Variants in URM1 observed in about 807,000 individuals in gnomAD.
URM1 encodes the protein ubiquitin-related modifier 1.
Under a neutral mutation model 17.7 loss-of-function variants are expected in URM1, and 11 were observed. The observed-to-expected ratio is 0.62, with a 90% CI of 0.39 to 1.03. The LOEUF is 1.03. Ranked by LOEUF, URM1 falls within the 50% of genes least tolerant of loss-of-function variation. The pLI is 0.00. For missense variants in URM1, 128 were observed against 129.2 expected, an observed-to-expected ratio of 0.99 and a Z score of 0.04; for synonymous variants, 48 against 50.6, an observed-to-expected ratio of 0.95 and a Z score of 0.22.
chr9:128,389,295 G>A lies in URM1; in HGVS notation c.223G>A (p.Asp75Asn), dbSNP rs914807537. Residue 75 changes from aspartate (D) to asparagine (N), a missense_variant, in exon 4 of 5, where the codon GAC becomes AAC. By Grantham distance (23) the Asp-to-Asn change is conservative (BLOSUM62 1). Coordinates refer to ENST00000372853, the MANE Select transcript of URM1 (RefSeq NM_030914.4). The part of the protein sequence containing the change: ...PGILVLINDA[D>N]WELLGELDYQ... ...AATTCTGGTGCTGATTAACGATGCCGACTGGGAGCTACTGGTCAGTACCTT... is the reference window on the plus strand; with the variant it reads ...AATTCTGGTGCTGATTAACGATGCCAACTGGGAGCTACTGGTCAGTACCTT... 8.1e-6 allele frequency: 13 copies of A among 1,610,564 alleles called. No individual in the cohort carries two copies. The highest frequency in any genetic ancestry group is 3.3e-5 in the South Asian group (3 of 90,800).
rs963053039 is a variant in URM1 at position 128,387,531 on chromosome 9, C to T, written c.107-285C>T. ...CCTTTAGATGCGACAGTCCTCCCGC[C>T]GTCTGCCTTGAATCCCCCCACTATA... On this transcript the variant is annotated intron_variant, in intron 2 of 4. Transcript: ENST00000372853. The surrounding 1 kb of genome is among the most constrained non-coding windows in gnomAD (Gnocchi z 4.3). 3.3e-5 allele frequency among the ~76,000 whole-genome samples: 5 copies of T among 152,164 alleles called. No individual in the cohort carries two copies. The highest frequency in any genetic ancestry group is 7.2e-5 in the African/African-American group (3 of 41,430).
In URM1 at chr9:128,384,788, A is replaced by AT. The variant is rs555798051; in HGVS notation, c.107-3028_107-3027insT. ...GTTAACATCCCCATTTTACAAAAAA[A>AT]GGAAGCCGAGGCTTCCTATTACCTA... On this transcript the variant is annotated intron_variant, in intron 2 of 4. Transcript: ENST00000372853. Among the ~76,000 whole-genome samples, 67 of 152,272 alleles carry AT rather than the reference A, an allele frequency of 4.4e-4. No homozygotes were observed. In the East Asian group the frequency reaches 7.1e-3, roughly 16 times the overall value.
chr9:128,390,005 A>G lies in URM1; in HGVS notation c.*271A>G. On this transcript the variant is annotated 3_prime_UTR_variant, in exon 5 of 5. Coordinates refer to ENST00000372853, the MANE Select transcript of URM1 (RefSeq NM_030914.4). ...GAGGGTTCCCCTCCAGTTTGTCAAGAGTTGAAGGAGGCTCTGTGGCCAGGT... is the reference window on the plus strand; with the variant it reads ...GAGGGTTCCCCTCCAGTTTGTCAAGGGTTGAAGGAGGCTCTGTGGCCAGGT... 1.9e-6 allele frequency: 1 copy of G among 527,058 alleles called. No homozygotes were observed. Among genetic ancestry groups the G allele is most frequent in the Non-Finnish European group, 3.4e-6 (1 of 298,408 alleles). 32.6% of individuals were successfully genotyped at this position (527,058 alleles called of 1,614,324 possible).
At chr9:128,380,140 T>C (rs1833140057) in intron 2 of URM1, among the ~76,000 whole-genome samples, 1 of 151,816 alleles carries the variant, frequency 6.6e-6, no homozygotes, top group Non-Finnish European at 1.5e-5. Flanking sequence ...ATAAGCAGAA[T>C]ATGTATGGGG....
Position 128,387,780 on chromosome 9 carries a change from G to T in URM1, c.107-36G>T, listed in dbSNP as rs767947082. ...CTGGGGGTGGGCAGGTGCTATTTGG[G>T]TTTGACAAGAGTTTGTTCTGTGCAT... On this transcript the variant is annotated intron_variant, in intron 2 of 4. Coordinates refer to ENST00000372853, the MANE Select transcript of URM1 (RefSeq NM_030914.4). The surrounding 1 kb of genome is among the most constrained non-coding windows in gnomAD (Gnocchi z 4.3). 2.7e-5 allele frequency: 43 copies of T among 1,613,574 alleles called. No individual in the cohort carries two copies. Among genetic ancestry groups the T allele is most frequent in the Non-Finnish European group, 3.6e-5 (42 of 1,179,588 alleles).
At position 128,387,908 on chromosome 9, in the gene URM1, C is replaced by T; in HGVS notation, c.188+11C>T. On this transcript the variant is annotated intron_variant, in intron 3 of 4. Coordinates refer to ENST00000372853, the MANE Select transcript of URM1 (RefSeq NM_030914.4). The surrounding 1 kb of genome is among the most constrained non-coding windows in gnomAD (Gnocchi z 4.3). ...CCAGGGAGACAGCGTGTGAGTCCCA[C>T]TCCTCCCTTCCCTGAAGCAGGTGGA... 1.2e-6 allele frequency: 2 copies of T among 1,613,968 alleles called. No homozygotes were observed. The highest frequency in any genetic ancestry group is 8.5e-7 in the Non-Finnish European group (1 of 1,179,992).
intron 1 of URM1, among the ~76,000 whole-genome samples, chr9:128,372,520 G>A (rs1020199396): frequency 3.3e-5 from 5 of 152,168 alleles, no homozygotes; most frequent in African/African-American, 9.7e-5. Flanking sequence ...AAGATAAATA[G>A]AAGTCTGTCC....
chr9:128,386,267 A>G (rs1256883574), intron 2 of URM1, among the ~76,000 whole-genome samples: 1 of 152,188 alleles, frequency 6.6e-6, no homozygotes, highest in East Asian at 1.9e-4. Context: ...CCCACCAGAC[A>G]GTACCAAGAT....
At chr9:128,378,922 G>A (rs1679193632) in intron 2 of URM1, among the ~76,000 whole-genome samples, 2 of 150,316 alleles carry the variant, frequency 1.3e-5, no homozygotes, top group Admixed American at 6.6e-5. Flanking sequence ...ACTCCAGCCT[G>A]GGTGGCAGAG....
In URM1 at chr9:128,378,542, C is replaced by CAAA. The variant is rs58676800; in HGVS notation, c.106+464_106+466dup. On this transcript the variant is annotated intron_variant, in intron 2 of 4. Transcript: ENST00000372853. Reference sequence around the variant, plus strand: ...TGGGCGACAAAGCAAGACTCCATCTCAAAAAAAAAAAAAAAAAAAAAAAAA... The same window carrying CAAA: ...TGGGCGACAAAGCAAGACTCCATCTCAAAAAAAAAAAAAAAAAAAAAAAAAAAA... Among the ~76,000 whole-genome samples the CAAA allele has an allele frequency of 2.6e-3, 59 of 23,012 alleles. 3 individuals are homozygous for CAAA. In the East Asian group the frequency reaches 0.052, roughly 20 times the overall value. 15.1% of individuals were successfully genotyped at this position (23,012 alleles called of 152,430 possible).
intron 2 of URM1, 72 bp downstream of exon 2, chr9:128,378,178 C>T: frequency 9.5e-7 from 1 of 1,050,000 alleles, no homozygotes; most frequent in Non-Finnish European, 1.4e-6. Flanking sequence ...AACACTCAGC[C>T]CCGTTCAGGC....
chr9:128,389,279 G>A lies in URM1; in HGVS notation c.207G>A (p.Val69=). The A allele has an allele frequency of 1.2e-6, 2 of 1,605,030 alleles. No individual in the cohort carries two copies. The highest frequency in any genetic ancestry group is 1.7e-6 in the Non-Finnish European group (2 of 1,173,886). The change falls in exon 4 of 5, where the codon GTG becomes GTA. Residue 69 remains valine, a synonymous_variant. Transcript: ENST00000372853. ...QGDSVRPGIL[V]LINDADWELL... is the part of the protein sequence containing the mutation. ...CCCACAGGCGGCCAGGAATTCTGGT[G>A]CTGATTAACGATGCCGACTGGGAGC...
At chr9:128,375,163 C>G (rs1290976730) in intron 1 of URM1, among the ~76,000 whole-genome samples, 1 of 152,176 alleles carries the variant, frequency 6.6e-6, no homozygotes, top group African/African-American at 2.4e-5. Context: ...CTGGGACTCC[C>G]TGAGGATGAA....
rs904115763 is a variant in URM1 at position 128,371,387 on chromosome 9, G to A, written c.7G>A (p.Ala3Thr). The A allele has an allele frequency of 1.2e-6, 2 of 1,613,092 alleles. No individual in the cohort carries two copies. The highest frequency in any genetic ancestry group is 1.7e-6 in the Non-Finnish European group (2 of 1,179,388). The change falls in exon 1 of 5, where the codon GCG becomes ACG. Residue 3 changes from alanine (A) to threonine (T), a missense_variant. Physicochemically the swap from Ala to Thr is moderately conservative, Grantham distance 58. Coordinates refer to ENST00000372853, the MANE Select transcript of URM1 (RefSeq NM_030914.4). MA[A>T]PLSVEVEFGG... ...CGAGCTCGGCTTCCTCAACATGGCT[G>A]CGCCCTTGTCAGTGGAGGTGGAGTT...
intron 1 of URM1, among the ~76,000 whole-genome samples, chr9:128,372,719 C>A (rs1490487908): frequency 2.0e-5 from 3 of 152,128 alleles, no homozygotes; most frequent in African/African-American, 7.2e-5. Context: ...CTAGGAGGAT[C>A]CCTGCTTCCT....
At position 128,389,918 on chromosome 9, in the gene URM1, A is replaced by T; in HGVS notation, c.*184A>T. 1 of 761,838 alleles carries T rather than the reference A, an allele frequency of 1.3e-6. No homozygotes were observed. Among genetic ancestry groups the T allele is most frequent in the Non-Finnish European group, 2.1e-6 (1 of 486,328 alleles). 47.2% of individuals were successfully genotyped at this position (761,838 alleles called of 1,614,324 possible). Reference sequence around the variant, plus strand: ...AAAATGAGCCTTTCTCAAGCACGTGAGCAGCGGAAGGCAGACAGGCGCCAG... The same window carrying T: ...AAAATGAGCCTTTCTCAAGCACGTGTGCAGCGGAAGGCAGACAGGCGCCAG... On this transcript the variant is annotated 3_prime_UTR_variant, in exon 5 of 5. Coordinates refer to ENST00000372853, the MANE Select transcript of URM1 (RefSeq NM_030914.4).
chr9:128,388,400 G>T, intron 3 of URM1: 2 of 986,384 alleles, frequency 2.0e-6, no homozygotes, highest in South Asian at 9.4e-5. Context: ...ACTCACTGGG[G>T]ACACCCCATA....
chr9:128,389,994 A>G lies in URM1; in HGVS notation c.*260A>G, dbSNP rs1833288457. On this transcript the variant is annotated 3_prime_UTR_variant, in exon 5 of 5. Transcript: ENST00000372853. ...CTGTGGTGGGGGAGGGTTCCCCTCC[A>G]GTTTGTCAAGAGTTGAAGGAGGCTC... 5.5e-6 allele frequency: 3 copies of G among 550,356 alleles called. No homozygotes were observed. In the South Asian group the frequency reaches 7.3e-5, roughly 13 times the overall value. The allele number at this position is 550,356 out of a possible 1,614,324, so 34.1% of individuals were successfully genotyped here.
chr9:128,374,270 C>T (rs548107820), intron 1 of URM1, among the ~76,000 whole-genome samples: 2 of 152,254 alleles, frequency 1.3e-5, no homozygotes, highest in South Asian at 4.2e-4. Context: ...ACTCTCTGAG[C>T]GAGACTGGTT....
Sources: gnomAD v4.1 joint callset for allele counts (sites outside exome capture counted in the v4.1 genomes callset) on GRCh38, gnomAD v4.1.1 for gene constraint, Gnocchi (gnomAD v3.1) non-coding constraint, MANE v1.5 for transcripts, NCBI Gene and HGNC (gene_info 2026-07-23, HGNC 2026-07-21) for gene names.